Variants in COL25A1 observed in about 807,000 individuals in gnomAD.
COL25A1 encodes the protein collagen type XXV alpha 1 chain, also known as collagen alpha-1(XXV) chain.
In COL25A1, 103 loss-of-function variants were observed where a neutral mutation model predicts 128.4. That is an observed-to-expected ratio of 0.80 (90% CI 0.68 to 0.94). COL25A1 has a LOEUF of 0.94. Among genes scored for constraint, COL25A1 ranks in the 40% least tolerant of loss-of-function variants. The pLI is 0.00. For missense variants in COL25A1, 745 were observed against 840.0 expected (o/e 0.89, Z 1.40); for synonymous variants, 279 against 277.2 (o/e 1.01, Z -0.06).
At chr4:109,006,378 A>ATTTTTTTTTGTTTT in intron 6 of COL25A1, among the ~76,000 whole-genome samples, 1 of 51,840 alleles carries the variant, frequency 1.9e-5, no homozygotes, top group Non-Finnish European at 3.2e-5. Flanking sequence ...CACCCAGCTA[A>ATTTTTTTTTGTTTT]TTTTTTTTTT....
chr4:109,142,363 C>T (rs564184722), intron 3 of COL25A1, among the ~76,000 whole-genome samples: 48 of 152,108 alleles, frequency 3.2e-4, no homozygotes, highest in African/African-American at 9.2e-4. Context: ...AGAATAAGTG[C>T]GATGTAGTGC....
chr4:109,070,982 T>C (rs182823556), intron 3 of COL25A1, among the ~76,000 whole-genome samples: 1 of 152,202 alleles, frequency 6.6e-6, no homozygotes. Context: ...AGAGCCCGCA[T>C]TGCCAAGACA....
At position 109,301,807 on chromosome 4, in the gene COL25A1, C is replaced by T; in HGVS notation, c.213G>A (p.Gly71=). 1 of 1,614,246 alleles carries T rather than the reference C, an allele frequency of 6.2e-7. No homozygotes were observed. Among genetic ancestry groups the T allele is most frequent in the South Asian group, 1.1e-5 (1 of 91,086 alleles). ...CAGGCAGCAGATGAATGGAAGGGGCCCCTTTGGCGGATTCGAGAGCGGCGA... is the reference window on the plus strand; with the variant it reads ...CAGGCAGCAGATGAATGGAAGGGGCTCCTTTGGCGGATTCGAGAGCGGCGA... ...ARIAALESAK[G]APSIHLLPDT... Residue 71 remains glycine, a synonymous_variant, in exon 2 of 38, where the codon GGG becomes GGA. Transcript: ENST00000399132.
intron 5 of COL25A1, among the ~76,000 whole-genome samples, chr4:109,038,458 C>A (rs181831163): frequency 6.6e-6 from 1 of 152,278 alleles, no homozygotes; most frequent in Admixed American, 6.5e-5. Flanking sequence ...AATCCCCATA[C>A]CTCTATAGAT....
At chr4:109,098,565 T>C (rs1332456386) in intron 3 of COL25A1, among the ~76,000 whole-genome samples, 1 of 152,228 alleles carries the variant, frequency 6.6e-6, no homozygotes, top group Non-Finnish European at 1.5e-5. Flanking sequence ...TTTCACTCTC[T>C]GGATGATAAT....
At chr4:109,301,312 C>A (rs555480844) in intron 2 of COL25A1, among the ~76,000 whole-genome samples, 7 of 152,086 alleles carry the variant, frequency 4.6e-5, no homozygotes, top group African/African-American at 1.7e-4. Context: ...AGAGTGATTA[C>A]CTTTTTTATA....
At chr4:109,203,720 G>C (rs1776754522) in intron 3 of COL25A1, among the ~76,000 whole-genome samples, 1 of 150,172 alleles carries the variant, frequency 6.7e-6, no homozygotes, top group African/African-American at 2.4e-5. Context: ...AGAAAAGTAA[G>C]AAAATAAATA....
intron 28 of COL25A1, 103 bp from the exon 29 acceptor site, chr4:108,845,354 ATAT>A: frequency 2.3e-6 from 2 of 869,444 alleles, no homozygotes; most frequent in South Asian, 2.8e-5. Flanking sequence ...ACATTTTATA[ATAT>A]TATGCACTTG....
At chr4:109,197,388 T>TATATATATAATATATA in intron 3 of COL25A1, among the ~76,000 whole-genome samples, 1 of 124,640 alleles carries the variant, frequency 8.0e-6, no homozygotes, top group African/African-American at 3.0e-5. Context: ...TAATATATAA[T>TATATATATAATATATA]CTCTCTATTA....
intron 3 of COL25A1, among the ~76,000 whole-genome samples, chr4:109,262,910 A>G (rs1214658828): frequency 1.3e-5 from 2 of 152,132 alleles, no homozygotes; most frequent in African/African-American, 4.8e-5. Flanking sequence ...TGGGTGGATC[A>G]CCTAAGGTCA....
intron 3 of COL25A1, among the ~76,000 whole-genome samples, chr4:109,178,656 C>CT (rs1415933190): frequency 6.6e-6 from 1 of 151,880 alleles, no homozygotes; most frequent in Non-Finnish European, 1.5e-5. Flanking sequence ...AACCCCGTCT[C>CT]TACTAAAAAT....
intron 13 of COL25A1, among the ~76,000 whole-genome samples, chr4:108,910,501 A>G (rs1040199008): frequency 2.0e-5 from 3 of 152,194 alleles, no homozygotes; most frequent in African/African-American, 7.2e-5. Flanking sequence ...TATAATCCCT[A>G]TTTGAAAAAT....
chr4:108,874,190 T>C (rs1449229352), intron 19 of COL25A1, among the ~76,000 whole-genome samples: 1 of 152,198 alleles, frequency 6.6e-6, no homozygotes, highest in Non-Finnish European at 1.5e-5. Context: ...TGGGAAATCA[T>C]CTTTGGAGTC....
intron 25 of COL25A1, 113 bp downstream of exon 25, chr4:108,852,789 C>A: frequency 2.5e-6 from 2 of 788,408 alleles, no homozygotes; most frequent in East Asian, 2.7e-5. Flanking sequence ...TACAAGAAAA[C>A]ATAAAATTAA....
intron 3 of COL25A1, among the ~76,000 whole-genome samples, chr4:109,292,685 T>C (rs977971834): frequency 6.6e-5 from 10 of 152,054 alleles, no homozygotes; most frequent in Non-Finnish European, 1.3e-4. Context: ...AACAGAATTA[T>C]ACCATGAGAC....
At chr4:109,031,793 G>T (rs1387548701) in intron 5 of COL25A1, among the ~76,000 whole-genome samples, 1 of 152,082 alleles carries the variant, frequency 6.6e-6, no homozygotes, top group African/African-American at 2.4e-5. Context: ...GCACACTCTT[G>T]TTCCTGCTAT....
intron 6 of COL25A1, among the ~76,000 whole-genome samples, chr4:108,986,319 C>T (rs1347657854): frequency 6.6e-6 from 1 of 152,198 alleles, no homozygotes; most frequent in Admixed American, 6.5e-5. Context: ...CAACAATCTT[C>T]AATAGATGTA....
At chr4:109,281,607 G>T (rs1578630089) in intron 3 of COL25A1, among the ~76,000 whole-genome samples, 1 of 152,182 alleles carries the variant, frequency 6.6e-6, no homozygotes, top group East Asian at 1.9e-4. Context: ...GAAGGCACCT[G>T]GATATGAGCT....
chr4:109,150,134 C>G (rs1332145145), intron 3 of COL25A1, among the ~76,000 whole-genome samples: 4 of 151,840 alleles, frequency 2.6e-5, no homozygotes, highest in Non-Finnish European at 4.4e-5. Flanking sequence ...TTGTCTCTAA[C>G]TTATCTAACC....
Sources: allele counts gnomAD v4.1 joint callset (sites outside exome capture counted in the v4.1 genomes callset), GRCh38; gene constraint gnomAD v4.1.1; transcripts MANE v1.5; gene names NCBI Gene and HGNC (gene_info 2026-07-23, HGNC 2026-07-21).